Variants in NDRG3 observed in about 807,000 individuals in gnomAD.
NDRG3 encodes NDRG family member 3, also known as protein NDRG3.
A neutral mutation model predicts 57.2 loss-of-function variants in NDRG3; 23 were observed. The ratio of observed to expected loss-of-function variants is 0.40; its 90% CI spans 0.29 to 0.57. The LOEUF is 0.57. NDRG3 is among the 20% of genes least tolerant of loss of function. The probability of loss-of-function intolerance (pLI) is 0.42; values close to 1 mark genes in which losing one functional copy is unlikely to be tolerated. For missense variants in NDRG3, 384 were observed against 457.3 expected (o/e 0.84, Z 1.46); for synonymous variants, 132 against 162.6 (o/e 0.81, Z 1.43).
At chr20:36,729,283 G>A (rs1334882494) in intron 1 of NDRG3, among the ~76,000 whole-genome samples, 1 of 152,126 alleles carries the variant, frequency 6.6e-6, no homozygotes, top group African/African-American at 2.4e-5. Flanking sequence ...TAGAGGATGT[G>A]GAATGAGTAG....
At chr20:36,729,913 AAT>A (rs1469043356) in intron 1 of NDRG3, among the ~76,000 whole-genome samples, 4 of 152,102 alleles carry the variant, frequency 2.6e-5, no homozygotes, top group African/African-American at 7.2e-5. Flanking sequence ...CTTCTTCCAA[AAT>A]TTCAGTAAAC....
rs1981887607 is a variant in NDRG3, at chr20:36,687,469, AGAT to A, written c.320+20_320+22del. ...TTGCTCTACTGAGTGCACGTCTCCC[AGAT>A]GATCTTTTCGTGGCCTTACCCTGTT... On this transcript the variant is annotated intron_variant, in intron 5 of 15. Coordinates refer to ENST00000349004, the MANE Select transcript of NDRG3 (RefSeq NM_032013.4). The A allele has an allele frequency of 6.2e-7, 1 of 1,610,470 alleles. No homozygotes were observed. The highest frequency in any genetic ancestry group is 8.5e-7 in the Non-Finnish European group (1 of 1,179,020).
chr20:36,739,224 G>A (rs1196171785), intron 1 of NDRG3, among the ~76,000 whole-genome samples: 7 of 149,252 alleles, frequency 4.7e-5, no homozygotes, highest in East Asian at 2.0e-4. Flanking sequence ...CGAGGCTGGC[G>A]GATCACGAGG....
intron 3 of NDRG3, among the ~76,000 whole-genome samples, chr20:36,702,890 G>A (rs1983327102): frequency 6.6e-6 from 1 of 151,644 alleles, no homozygotes; most frequent in Non-Finnish European, 1.5e-5. Flanking sequence ...CTCCATGCTG[G>A]TCAGGCTGGT....
At chr20:36,676,887 T>G (rs924411376) in intron 8 of NDRG3, among the ~76,000 whole-genome samples, 1 of 152,252 alleles carries the variant, frequency 6.6e-6, no homozygotes, top group African/African-American at 2.4e-5. Context: ...CCTTCCGGGT[T>G]GGGACCAGAG....
At position 36,715,006 on chromosome 20, in the gene NDRG3, GTATATATATATATATATA is replaced by G. The variant is rs545495779; in HGVS notation, c.57+6655_57+6672del. 2.1e-3 allele frequency among the ~76,000 whole-genome samples: 56 copies of G among 26,708 alleles called. 2 individuals are homozygous for G. Among genetic ancestry groups the G allele is most frequent in the African/African-American group, 5.9e-3 (47 of 7,910 alleles). 17.5% of individuals were successfully genotyped at this position (26,708 alleles called of 152,430 possible). A position where few individuals can be genotyped will look rare whatever the true frequency, so the allele number is the denominator to read the frequency against. On this transcript the variant is annotated intron_variant, in intron 2 of 15. Coordinates refer to ENST00000349004, the MANE Select transcript of NDRG3 (RefSeq NM_032013.4). Reference sequence around the variant, plus strand: ...TCTGTGTGTGTGTGTGTGTGTGTGTGTATATATATATATATATATATATATATATATATATATATATAT... The same window carrying G: ...TCTGTGTGTGTGTGTGTGTGTGTGTGTATATATATATATATATATATATAT...
intron 2 of NDRG3, among the ~76,000 whole-genome samples, chr20:36,715,335 C>T (rs1984209075): frequency 6.6e-6 from 1 of 151,648 alleles, no homozygotes; most frequent in African/African-American, 2.4e-5. Context: ...TTTCTTGCTG[C>T]AGTCCCGTCT....
intron 1 of NDRG3, among the ~76,000 whole-genome samples, chr20:36,729,176 T>C (rs1368761094): frequency 6.6e-6 from 1 of 152,168 alleles, no homozygotes; most frequent in Non-Finnish European, 1.5e-5. Context: ...AGCAATCCTA[T>C]ACATACCAAC....
chr20:36,679,693 G>A (rs943749779), intron 8 of NDRG3, among the ~76,000 whole-genome samples: 17 of 150,320 alleles, frequency 1.1e-4, no homozygotes, highest in East Asian at 9.9e-4. Context: ...TAGTAGAGAC[G>A]GAGTTTCGCC....
At chr20:36,731,070 A>C (rs1022163183) in intron 1 of NDRG3, among the ~76,000 whole-genome samples, 1 of 152,196 alleles carries the variant, frequency 6.6e-6, no homozygotes, top group African/African-American at 2.4e-5. Context: ...GCTGAGAAAA[A>C]GTAACAGAGA....
intron 8 of NDRG3, among the ~76,000 whole-genome samples, chr20:36,675,928 G>A (rs1980653030): frequency 6.6e-6 from 1 of 152,168 alleles, no homozygotes; most frequent in African/African-American, 2.4e-5. Context: ...AAAGTACTGA[G>A]AAGTAAGCAT....
chr20:36,739,391 G>A (rs1303802667), intron 1 of NDRG3, among the ~76,000 whole-genome samples: 1 of 149,280 alleles, frequency 6.7e-6, no homozygotes, highest in Non-Finnish European at 1.5e-5. Context: ...AGGTTGCAGT[G>A]AGCCGGGATC....
intron 12 of NDRG3, 35 bp downstream of exon 12, chr20:36,665,011 T>A: frequency 6.2e-7 from 1 of 1,602,070 alleles, no homozygotes; most frequent in Non-Finnish European, 8.6e-7. Flanking sequence ...TACATTTTGA[T>A]CTCATTCATC....
intron 5 of NDRG3, among the ~76,000 whole-genome samples, chr20:36,684,977 G>A (rs1871946006): frequency 6.6e-6 from 1 of 152,144 alleles, no homozygotes; most frequent in South Asian, 2.1e-4. Flanking sequence ...TAAGGAGAAA[G>A]TAAAATAATC....
intron 2 of NDRG3, among the ~76,000 whole-genome samples, chr20:36,712,559 CTATATATA>C (rs1201319236): frequency 9.2e-4 from 19 of 20,748 alleles, no homozygotes; most frequent in East Asian, 4.4e-3. Context: ...CCATGCCCGG[CTATATATA>C]TATATATATA....
At chr20:36,667,458 T>C (rs540518276) in intron 9 of NDRG3, among the ~76,000 whole-genome samples, 7 of 152,204 alleles carry the variant, frequency 4.6e-5, no homozygotes, top group South Asian at 2.1e-4. Context: ...TTTAATCTTA[T>C]TACCAATACT....
intron 1 of NDRG3, among the ~76,000 whole-genome samples, chr20:36,733,645 C>T (rs992148328): frequency 5.3e-5 from 8 of 151,076 alleles, no homozygotes; most frequent in African/African-American, 1.7e-4. Context: ...TGCAGTGAGC[C>T]GAGATCACGC....
chr20:36,701,732 G>C (rs1465622236), intron 3 of NDRG3, among the ~76,000 whole-genome samples: 1 of 151,446 alleles, frequency 6.6e-6, no homozygotes, highest in Non-Finnish European at 1.5e-5. Context: ...TTTTTTAATA[G>C]AGACAGGGTT....
rs1555809887 is a variant in NDRG3 at position 36,746,073 on chromosome 20, A to AGCT, written c.-78_-77insAGC. On this transcript the variant is annotated 5_prime_UTR_variant, in exon 1 of 16. Coordinates refer to ENST00000349004, the MANE Select transcript of NDRG3 (RefSeq NM_032013.4). Reference sequence around the variant, plus strand: ...AGGCGCGGGCACCCGCCGTCAGTGCAGCAGCAGCGGCGGCGGCGGCGGCGG... The same window carrying AGCT: ...AGGCGCGGGCACCCGCCGTCAGTGCAGCTGCAGCAGCGGCGGCGGCGGCGGCGG... 6.6e-6 allele frequency: 2 copies of AGCT among 304,494 alleles called. No homozygotes were observed. The highest frequency in any genetic ancestry group is 5.2e-5 in the African/African-American group (2 of 38,166). The allele number at this position is 304,494 out of a possible 1,614,324, so 18.9% of individuals were successfully genotyped here.
Sources: allele counts gnomAD v4.1 joint callset (sites outside exome capture counted in the v4.1 genomes callset), GRCh38; gene constraint gnomAD v4.1.1; transcripts MANE v1.5; gene names NCBI Gene and HGNC (gene_info 2026-07-23, HGNC 2026-07-21).